Variants in PCDHA10 observed in about 807,000 individuals in gnomAD.
The protein encoded by PCDHA10 is protocadherin alpha 10.
A neutral mutation model predicts 61.2 loss-of-function variants in PCDHA10; 45 were observed. That is an observed-to-expected ratio of 0.74 (90% CI 0.58 to 0.94). The LOEUF (loss-of-function observed/expected upper bound fraction) is 0.94. Ranked by LOEUF, PCDHA10 falls within the 40% of genes least tolerant of loss-of-function variation. The pLI, the probability that PCDHA10 is intolerant of heterozygous loss-of-function variation, is 0.00. For synonymous variants in PCDHA10, 602 were observed against 548.8 expected, an observed-to-expected ratio of 1.10 and a Z score of -1.35; for missense variants, 1,278 against 1,236.2, an observed-to-expected ratio of 1.03 and a Z score of -0.51.
intron 3 of PCDHA10, among the ~76,000 whole-genome samples, chr5:141,001,524 C>T (rs952372807): frequency 6.6e-6 from 1 of 152,202 alleles, no homozygotes; most frequent in Non-Finnish European, 1.5e-5. Context: ...CTCCCTCTCT[C>T]TCTGATCCTG....
chr5:140,933,137 A>C (rs1378585369), intron 1 of PCDHA10, among the ~76,000 whole-genome samples: 1 of 151,994 alleles, frequency 6.6e-6, no homozygotes, highest in African/African-American at 2.4e-5. Context: ...ATAAAGGTAG[A>C]TAGCCACTCA....
intron 3 of PCDHA10, among the ~76,000 whole-genome samples, chr5:140,982,904 T>G (rs1353983952): frequency 1.3e-5 from 2 of 151,900 alleles, no homozygotes; most frequent in African/African-American, 4.8e-5. Context: ...GGTGGCCTTA[T>G]GCACAGAGAT....
intron 1 of PCDHA10, among the ~76,000 whole-genome samples, chr5:140,913,340 C>G (rs1276320319): frequency 6.6e-6 from 1 of 152,024 alleles, no homozygotes; most frequent in African/African-American, 2.4e-5. Context: ...GGAATTTATC[C>G]ATTTCCTCTA....
chr5:140,890,772 C>T (rs2062796545), intron 1 of PCDHA10, among the ~76,000 whole-genome samples: 1 of 152,118 alleles, frequency 6.6e-6, no homozygotes, highest in South Asian at 2.1e-4. Context: ...TATTTTAAAA[C>T]CCCATAAGAT....
chr5:140,992,807 C>T (rs781970284), intron 3 of PCDHA10, among the ~76,000 whole-genome samples: 2 of 152,226 alleles, frequency 1.3e-5, no homozygotes, highest in African/African-American at 4.8e-5. Flanking sequence ...CCATATGTAT[C>T]TAAGGATGTG....
chr5:141,007,348 C>T (rs1300636691), intron 3 of PCDHA10, among the ~76,000 whole-genome samples: 3 of 142,438 alleles, frequency 2.1e-5, no homozygotes, highest in African/African-American at 5.3e-5. Context: ...CTCAGGAGTT[C>T]GAGACCAGCC....
chr5:140,997,018 A>AT (rs1162959481), intron 3 of PCDHA10, among the ~76,000 whole-genome samples: 3 of 151,882 alleles, frequency 2.0e-5, no homozygotes, highest in Admixed American at 1.3e-4. Flanking sequence ...ATCCTCCAAT[A>AT]TTTTTTTGAA....
chr5:140,948,403 T>A (rs2153683270), intron 1 of PCDHA10, among the ~76,000 whole-genome samples: 1 of 151,756 alleles, frequency 6.6e-6, no homozygotes, highest in Non-Finnish European at 1.5e-5. Context: ...GGTTGTGTAA[T>A]ATTGGTGTTA....
intron 1 of PCDHA10, among the ~76,000 whole-genome samples, chr5:140,970,589 C>T (rs74994687): frequency 6.6e-6 from 1 of 152,198 alleles, no homozygotes; most frequent in East Asian, 1.9e-4. Flanking sequence ...CAGAGATATG[C>T]TTTGTGATAC....
At chr5:140,899,974 C>A (rs2067653485) in intron 1 of PCDHA10, among the ~76,000 whole-genome samples, 1 of 151,766 alleles carries the variant, frequency 6.6e-6, no homozygotes, top group Non-Finnish European at 1.5e-5. Context: ...TGCCCAGCTA[C>A]TTTTTTGATT....
intron 1 of PCDHA10, among the ~76,000 whole-genome samples, chr5:140,939,509 C>T (rs1013863525): frequency 9.3e-5 from 14 of 150,592 alleles, no homozygotes; most frequent in Non-Finnish European, 1.8e-4. Flanking sequence ...ATGTCTATAA[C>T]ATTAATAGTT....
At chr5:140,962,803 T>C (rs2095709614) in intron 1 of PCDHA10, among the ~76,000 whole-genome samples, 1 of 152,240 alleles carries the variant, frequency 6.6e-6, no homozygotes. Context: ...TGGACAACTC[T>C]AAACATCAGA....
intron 1 of PCDHA10, chr5:140,882,363 A>G: frequency 1.2e-6 from 2 of 1,614,208 alleles, no homozygotes; most frequent in South Asian, 1.1e-5. Context: ...GGCCAGCTCC[A>G]CTACTCCGTC....
intron 1 of PCDHA10, chr5:140,966,927 C>T (rs1434590204): frequency 1.2e-6 from 2 of 1,603,398 alleles, no homozygotes; most frequent in Admixed American, 1.7e-5. Flanking sequence ...GAGCAGGCAC[C>T]CGGCGCGCTC....
intron 1 of PCDHA10, chr5:140,876,574 G>A (rs1554168680): frequency 1.9e-6 from 3 of 1,614,158 alleles, no homozygotes; most frequent in Non-Finnish European, 2.5e-6. Flanking sequence ...GGTGGGTACC[G>A]TCATTGCCCT....
chr5:140,924,391 T>C (rs2081808127), intron 1 of PCDHA10, among the ~76,000 whole-genome samples: 1 of 152,326 alleles, frequency 6.6e-6, no homozygotes, highest in East Asian at 1.9e-4. Flanking sequence ...TTACTACTTA[T>C]ATTGCCTTAT....
chr5:141,012,182 A>T lies in PCDHA10; in HGVS notation c.*2245A>T, dbSNP rs1334407628. On this transcript the variant is annotated 3_prime_UTR_variant, in exon 4 of 4. Coordinates refer to ENST00000307360, the MANE Select transcript of PCDHA10 (RefSeq NM_018901.4). ...CTAATTTATTAATGATGATAATTATAATGTATCTGTACAGCACTTTTTACA... is the reference window on the plus strand; with the variant it reads ...CTAATTTATTAATGATGATAATTATTATGTATCTGTACAGCACTTTTTACA... 6.5e-6 allele frequency: 1 copy of T among 153,776 alleles called. No homozygotes were observed. The highest frequency in any genetic ancestry group is 1.5e-5 in the Non-Finnish European group (1 of 68,050). 9.5% of individuals were successfully genotyped at this position (153,776 alleles called of 1,614,324 possible).
intron 1 of PCDHA10, among the ~76,000 whole-genome samples, chr5:140,923,099 G>A (rs1164124655): frequency 6.6e-6 from 1 of 152,168 alleles, no homozygotes; most frequent in Non-Finnish European, 1.5e-5. Flanking sequence ...ACCAATGGGA[G>A]TATGATTTTA....
At chr5:140,886,830 A>G (rs2061165550) in intron 1 of PCDHA10, among the ~76,000 whole-genome samples, 1 of 150,424 alleles carries the variant, frequency 6.6e-6, no homozygotes, top group Non-Finnish European at 1.5e-5. Flanking sequence ...TCGTCTTGAA[A>G]AAAAAAAAAA....
Sources: allele counts gnomAD v4.1 joint callset (sites outside exome capture counted in the v4.1 genomes callset), GRCh38; gene constraint gnomAD v4.1.1; transcripts MANE v1.5; gene names NCBI Gene and HGNC (gene_info 2026-07-23, HGNC 2026-07-21).